GUCA1B: variants seen among roughly 807,000 people sequenced by gnomAD.
GUCA1B encodes guanylate cyclase activator 1B.
Under a neutral mutation model 24.2 loss-of-function variants are expected in GUCA1B, and 22 were observed. The ratio of observed to expected loss-of-function variants is 0.91; its 90% CI spans 0.65 to 1.30. The LOEUF (loss-of-function observed/expected upper bound fraction) is 1.30, where lower values mean the gene tolerates loss of function less well. Among genes scored for constraint, GUCA1B ranks in the 50% most tolerant of loss-of-function variants. GUCA1B has a pLI of 0.00. For missense variants in GUCA1B, 221 were observed against 258.8 expected (o/e 0.85, Z 1.00); for synonymous variants, 100 against 97.9 (o/e 1.02, Z -0.13).
At chr6:42,187,630 C>T (rs1329157894) in intron 2 of GUCA1B, among the ~76,000 whole-genome samples, 1 of 150,962 alleles carries the variant, frequency 6.6e-6, no homozygotes. Flanking sequence ...ACTATGTTGC[C>T]CAGGCTGGTC....
chr6:42,187,387 G>T (rs6915300), intron 2 of GUCA1B, among the ~76,000 whole-genome samples: 1 of 149,172 alleles, frequency 6.7e-6, no homozygotes, highest in African/African-American at 2.5e-5. Flanking sequence ...TACAGGCGTG[G>T]GCCACCGTGC....
intron 1 of GUCA1B, among the ~76,000 whole-genome samples, chr6:42,193,646 G>T (rs903187908): frequency 1.3e-5 from 2 of 152,174 alleles, no homozygotes; most frequent in Admixed American, 6.5e-5. Context: ...CTCTAAGGAG[G>T]TTCTGTTGAA....
In GUCA1B at chr6:42,184,865, T is replaced by C; in HGVS notation, c.553A>G (p.Asn185Asp). The change falls in exon 4 of 4, where the codon AAT becomes GAT. Residue 185 changes from asparagine to aspartate, a missense_variant. By Grantham distance (23) the Asn-to-Asp change is conservative. Coordinates refer to ENST00000230361, the MANE Select transcript of GUCA1B (RefSeq NM_002098.6). ...WVMKMLQMDM[N>D]PSSWLAQQRR... is the part of the protein sequence containing the mutation. ...TGCTGAGCGAGCCAGCTGCTGGGAT[T>C]CATGTCCATCTGCAGCATCTTCATC... 1.2e-6 allele frequency: 2 copies of C among 1,614,118 alleles called. No individual in the cohort carries two copies. The highest frequency in any genetic ancestry group is 1.1e-5 in the South Asian group (1 of 91,084).
In GUCA1B at chr6:42,188,720, G is replaced by T; in HGVS notation, c.219C>A (p.Ile73=). The T allele has an allele frequency of 1.9e-6, 3 of 1,613,796 alleles. No homozygotes were observed. In the East Asian group the frequency reaches 6.7e-5, roughly 36 times the overall value. Residue 73 remains isoleucine (I), a synonymous_variant, in exon 2 of 4, where the codon ATC becomes ATA. Transcript: ENST00000230361. The part of the protein sequence containing the change: ...RAFDKNGDNT[I]DFLEYVAALN... ...GAGCTGCCACGTACTCCAGGAAGTCGATGGTGTTGTCCTGCATTAGATGTG... is the reference window on the plus strand; with the variant it reads ...GAGCTGCCACGTACTCCAGGAAGTCTATGGTGTTGTCCTGCATTAGATGTG...
At chr6:42,190,761 G>A (rs1297890596) in intron 1 of GUCA1B, among the ~76,000 whole-genome samples, 1 of 152,084 alleles carries the variant, frequency 6.6e-6, no homozygotes, top group Non-Finnish European at 1.5e-5. Context: ...ATCTATTTCT[G>A]TCCAGCAAAT....
At chr6:42,188,298 G>A (rs1381537648) in intron 2 of GUCA1B, among the ~76,000 whole-genome samples, 1 of 80,442 alleles carries the variant, frequency 1.2e-5, no homozygotes, top group African/African-American at 7.5e-5. Flanking sequence ...CTTGTCGTGT[G>A]TGTGTGTGTG....
chr6:42,191,466 T>C (rs1324989249), intron 1 of GUCA1B, among the ~76,000 whole-genome samples: 2 of 152,130 alleles, frequency 1.3e-5, no homozygotes, highest in African/African-American at 4.8e-5. Flanking sequence ...CACTCCTTGA[T>C]ATAAGGGGGA....
chr6:42,185,775 G>T lies in GUCA1B; in HGVS notation c.380C>A (p.Ala127Asp). ...CTCAGTTTGTAGCTCTCGCCGGCAG[G>T]CTTTCTTCAGCTGGTAAATTCCCTG... Reference protein sequence around the residue: ...IVEGIYQLKKACRRELQTEQG... With the variant: ...IVEGIYQLKKDCRRELQTEQG... The change falls in exon 3 of 4, where the codon GCC becomes GAC. Residue 127 changes from alanine to aspartate, a missense_variant. Physicochemically the swap from Ala to Asp is moderately radical, Grantham distance 126 (BLOSUM62 -2). Transcript: ENST00000230361. 6.2e-7 allele frequency: 1 copy of T among 1,611,288 alleles called. No homozygotes were observed. Among genetic ancestry groups the T allele is most frequent in the Non-Finnish European group, 8.5e-7 (1 of 1,177,794 alleles).
At position 42,183,867 on chromosome 6, in the gene GUCA1B, C is replaced by A. The variant is rs753419175; in HGVS notation, c.*948G>T. On this transcript the variant is annotated 3_prime_UTR_variant, in exon 4 of 4. Transcript: ENST00000230361. Reference sequence around the variant, plus strand: ...GGCAGCAGGGGGTCCCAGAGCAGCACCCAGGCAGAGCTGAAACAGTCCCTT... The same window carrying A: ...GGCAGCAGGGGGTCCCAGAGCAGCAACCAGGCAGAGCTGAAACAGTCCCTT... Among the ~76,000 whole-genome samples, 1 of 152,112 alleles carries A rather than the reference C, an allele frequency of 6.6e-6. No individual in the cohort carries two copies. Among genetic ancestry groups the A allele is most frequent in the Non-Finnish European group, 1.5e-5 (1 of 68,012 alleles).
intron 2 of GUCA1B, among the ~76,000 whole-genome samples, chr6:42,188,308 G>GTGTGTGTC (rs1768232224): frequency 9.4e-6 from 1 of 106,184 alleles, no homozygotes. Context: ...GTGTGTGTGT[G>GTGTGTGTC]TGTGTGTGTG....
Position 42,188,671 on chromosome 6 carries a change from G to C in GUCA1B, c.268C>G (p.Leu90Val). 1.2e-6 allele frequency: 2 copies of C among 1,614,006 alleles called. No individual in the cohort carries two copies. The highest frequency in any genetic ancestry group is 1.7e-6 in the Non-Finnish European group (2 of 1,179,952). Reference protein sequence around the residue: ...AALNLVLRGTLEHKLKWTFKI... With the variant: ...AALNLVLRGTVEHKLKWTFKI... ...AATGTCCACTTCAGCTTGTGCTCCA[G>C]GGTGCCCCTCAGCACGAGATTCAGA... is the stretch of plus-strand genomic sequence containing the variant. Residue 90 changes from leucine to valine, a missense_variant, in exon 2 of 4, where the codon CTG (leucine) becomes GTG (valine). Coordinates refer to ENST00000230361, the MANE Select transcript of GUCA1B (RefSeq NM_002098.6).
chr6:42,191,628 T>C (rs1478222962), intron 1 of GUCA1B, among the ~76,000 whole-genome samples: 1 of 152,198 alleles, frequency 6.6e-6, no homozygotes, highest in Non-Finnish European at 1.5e-5. Context: ...GTTAGAAAAT[T>C]ATCAACAGAT....
intron 1 of GUCA1B, among the ~76,000 whole-genome samples, chr6:42,190,531 T>C (rs943391347): frequency 1.3e-5 from 2 of 152,282 alleles, no homozygotes; most frequent in African/African-American, 4.8e-5. Context: ...GTCAGTTCTT[T>C]AAAAGGCTAT....
At chr6:42,191,007 C>A (rs1212979185) in intron 1 of GUCA1B, among the ~76,000 whole-genome samples, 1 of 152,126 alleles carries the variant, frequency 6.6e-6, no homozygotes, top group Non-Finnish European at 1.5e-5. Context: ...CTGGAAACCC[C>A]AGGACCATTT....
chr6:42,185,603 C>T (rs1768179071), intron 3 of GUCA1B, 77 bp downstream of exon 3: 2 of 898,502 alleles, frequency 2.2e-6, no homozygotes, highest in South Asian at 2.7e-5. Context: ...GGTGGAGGGC[C>T]TTGCCCAAGG....
intron 1 of GUCA1B, among the ~76,000 whole-genome samples, chr6:42,193,389 A>AT (rs34229254): frequency 0.55 from 83,139 of 152,118 alleles, 24,619 homozygotes; most frequent in East Asian, 0.85. Flanking sequence ...TTTTAAAAAA[A>AT]CATCAATTAT....
At chr6:42,192,038 CA>C (rs35283316) in intron 1 of GUCA1B, among the ~76,000 whole-genome samples, 83,601 of 116,562 alleles carry the variant, frequency 0.72, 28,084 homozygotes, top group East Asian at 0.83. Context: ...TATGATCATA[CA>C]AAAAAAAAAA....
chr6:42,188,902 A>ATC lies in GUCA1B; in HGVS notation c.208-172_208-171insGA, dbSNP rs57981170. ...TAGAGAACATTCTATCTATCTATCT[A>ATC]TATCTATATCATCTCTCTCTCTCTC... On this transcript the variant is annotated intron_variant, in intron 1 of 3. Transcript: ENST00000230361. Among the ~76,000 whole-genome samples, 330 of 114,728 alleles carry ATC rather than the reference A, an allele frequency of 2.9e-3. 7 individuals are homozygous for ATC. The highest frequency in any genetic ancestry group is 0.01 in the African/African-American group (295 of 28,702). 75.3% of individuals were successfully genotyped at this position (114,728 alleles called of 152,430 possible).
intron 2 of GUCA1B, among the ~76,000 whole-genome samples, chr6:42,188,312 G>GTC (rs201851103): frequency 9.9e-5 from 15 of 151,138 alleles, no homozygotes; most frequent in African/African-American, 3.4e-4. Context: ...GTGTGTGTGT[G>GTC]TGTGTGTGTG....
Sources: allele counts gnomAD v4.1 joint callset (sites outside exome capture counted in the v4.1 genomes callset), GRCh38; gene constraint gnomAD v4.1.1; transcripts MANE v1.5; gene names NCBI Gene and HGNC (gene_info 2026-07-23, HGNC 2026-07-21).